The following METAP1 variants were observed in gnomAD, a reference collection of about 807,000 sequenced individuals.
METAP1 encodes the protein methionyl aminopeptidase 1.
A neutral mutation model predicts 53.8 loss-of-function variants in METAP1; 28 were observed. The ratio of observed to expected loss-of-function variants is 0.52; its 90% CI spans 0.39 to 0.71. The LOEUF (loss-of-function observed/expected upper bound fraction) is 0.71, where lower values mean the gene tolerates loss of function less well. Among genes scored for constraint, METAP1 ranks in the 30% least tolerant of loss-of-function variants. METAP1 has a pLI of 0.00. For missense variants in METAP1, 389 were observed against 479.8 expected (o/e 0.81, Z 1.77); for synonymous variants, 181 against 165.7 (o/e 1.09, Z -0.71).
intron 1 of METAP1, among the ~76,000 whole-genome samples, chr4:99,005,229 A>G (rs1324014831): frequency 6.6e-6 from 1 of 152,200 alleles, no homozygotes; most frequent in East Asian, 1.9e-4. Flanking sequence ...TTTGCAAACT[A>G]TGCATCTGAC....
At chr4:99,004,484 TACACACACACAC>T (rs145601239) in intron 1 of METAP1, among the ~76,000 whole-genome samples, 1 of 75,384 alleles carries the variant, frequency 1.3e-5, no homozygotes, top group African/African-American at 3.4e-5. Context: ...CACACACACA[TACACACACACAC>T]ACACACACAC....
rs145158105 is a variant in METAP1 at position 99,002,959 on chromosome 4, A to G, written c.114+7092A>G. ...GTGCATGCCTGTAATCCCAGCTACT[A>G]CTCAGGAGGCTGAGGCACAAGAATC... On this transcript the variant is annotated intron_variant, in intron 1 of 10. Transcript: ENST00000296411. 7.5e-4 allele frequency among the ~76,000 whole-genome samples: 114 copies of G among 152,214 alleles called. 1 individual carries two copies. The East Asian group carries it at 0.017, about 22-fold the overall frequency.
At chr4:99,025,370 G>A (rs1190321242) in intron 1 of METAP1, 1 of 985,254 alleles carries the variant, frequency 1.0e-6, no homozygotes, top group Non-Finnish European at 1.2e-6. Context: ...ATTTCAGTAG[G>A]AAATAACTTG....
At chr4:99,054,177 G>A (rs148992020) in intron 9 of METAP1, among the ~76,000 whole-genome samples, 18 of 152,216 alleles carry the variant, frequency 1.2e-4, no homozygotes, top group African/African-American at 3.6e-4. Flanking sequence ...CCATTAGAAG[G>A]CTGTTTTGGT....
intron 1 of METAP1, among the ~76,000 whole-genome samples, chr4:99,003,385 C>T (rs1441611469): frequency 6.6e-6 from 1 of 152,082 alleles, no homozygotes; most frequent in East Asian, 1.9e-4. Context: ...CTTAGTCGTT[C>T]AATAAAATAG....
intron 10 of METAP1, among the ~76,000 whole-genome samples, chr4:99,060,360 C>CTTTTTTTTT (rs35135230): frequency 9.6e-6 from 1 of 103,648 alleles, no homozygotes; most frequent in African/African-American, 3.6e-5. Flanking sequence ...TAAGCACATG[C>CTTTTTTTTT]TTTTTTTTTT....
chr4:99,037,237 T>G (rs1725494230), intron 4 of METAP1, among the ~76,000 whole-genome samples: 1 of 151,934 alleles, frequency 6.6e-6, no homozygotes, highest in South Asian at 2.1e-4. Flanking sequence ...GATGTATGTT[T>G]TTAAAACTGT....
intron 4 of METAP1, among the ~76,000 whole-genome samples, chr4:99,037,201 T>C (rs564223767): frequency 2.0e-5 from 3 of 152,044 alleles, no homozygotes; most frequent in Non-Finnish European, 4.4e-5. Context: ...TAAATGTTCT[T>C]AGTATATTAA....
intron 1 of METAP1, chr4:99,022,797 G>A (rs945864859): frequency 1.3e-6 from 2 of 1,597,556 alleles, no homozygotes; most frequent in Non-Finnish European, 1.7e-6. Flanking sequence ...CGCTTGTCAC[G>A]GAACTCCACC....
chr4:99,039,601 A>C, intron 5 of METAP1, 136 bp downstream of exon 5: 1 of 499,664 alleles, frequency 2.0e-6, no homozygotes, highest in Non-Finnish European at 3.4e-6. Flanking sequence ...TTTTTTTTTT[A>C]ACTTTTTTTT....
intron 1 of METAP1, among the ~76,000 whole-genome samples, chr4:99,000,992 C>A (rs1181058948): frequency 6.6e-6 from 1 of 152,090 alleles, no homozygotes; most frequent in Non-Finnish European, 1.5e-5. Flanking sequence ...GCCACTGCAC[C>A]TGGCTGGAAG....
At chr4:99,003,457 GA>G (rs1268377196) in intron 1 of METAP1, among the ~76,000 whole-genome samples, 2 of 152,124 alleles carry the variant, frequency 1.3e-5, no homozygotes, top group African/African-American at 4.8e-5. Context: ...TCTGAGTGGG[GA>G]TTTATGTTAT....
intron 1 of METAP1, among the ~76,000 whole-genome samples, chr4:99,016,513 A>G (rs538005060): frequency 6.6e-6 from 1 of 152,304 alleles, no homozygotes; most frequent in Non-Finnish European, 1.5e-5. Flanking sequence ...ATCTGAGTCA[A>G]CATTTTCTAT....
In METAP1 at chr4:99,057,629, G is replaced by T; in HGVS notation, c.932-124G>T. 2 of 697,704 alleles carry T rather than the reference G, an allele frequency of 2.9e-6. 1 individual carries two copies. Among genetic ancestry groups the T allele is most frequent in the South Asian group, 3.8e-5 (2 of 52,864 alleles). 43.2% of individuals were successfully genotyped at this position (697,704 alleles called of 1,614,324 possible). Reference sequence around the variant, plus strand: ...ACCTGTTTGTTGAACTTTAAGAAAGGGAATCAGGGTAATTAATTTAACAAT... The same window carrying T: ...ACCTGTTTGTTGAACTTTAAGAAAGTGAATCAGGGTAATTAATTTAACAAT... On this transcript the variant is annotated intron_variant, in intron 9 of 10. Coordinates refer to ENST00000296411, the MANE Select transcript of METAP1 (RefSeq NM_015143.3).
intron 1 of METAP1, chr4:99,022,993 A>G (rs1421226907): frequency 3.4e-6 from 5 of 1,470,414 alleles, no homozygotes; most frequent in South Asian, 1.2e-5. Context: ...CAGGTACACA[A>G]TACCTGGCAC....
intron 4 of METAP1, 69 bp downstream of exon 4, chr4:99,035,529 A>G (rs1725365557): frequency 2.5e-6 from 3 of 1,203,714 alleles, no homozygotes; most frequent in Admixed American, 4.3e-5. Context: ...AAGGGAAGGA[A>G]TGCTTTTCTT....
At chr4:99,003,871 A>C (rs1723037047) in intron 1 of METAP1, among the ~76,000 whole-genome samples, 3 of 152,062 alleles carry the variant, frequency 2.0e-5, no homozygotes, top group Admixed American at 2.0e-4. Flanking sequence ...GTTTGACTGG[A>C]TATAGTGTCA....
At chr4:99,058,557 A>T (rs1228912250) in intron 10 of METAP1, among the ~76,000 whole-genome samples, 1 of 152,022 alleles carries the variant, frequency 6.6e-6, no homozygotes, top group Non-Finnish European at 1.5e-5. Context: ...GATTCTGGTA[A>T]TGGAGCTTTC....
Position 99,010,492 on chromosome 4 carries a change from A to G in METAP1, c.114+14625A>G, listed in dbSNP as rs141796856. ...AACCTCCCAAAAAACACACATGACC[A>G]AATACACAAGGATTTATTTCTGGAT... is the stretch of plus-strand genomic sequence containing the variant. On this transcript the variant is annotated intron_variant, in intron 1 of 10. Transcript: ENST00000296411. Among the ~76,000 whole-genome samples the G allele has an allele frequency of 7.5e-3, 1,140 of 152,248 alleles. 9 individuals are homozygous for G. The highest frequency in any genetic ancestry group is 0.026 in the African/African-American group (1,097 of 41,536).
Sources: allele counts gnomAD v4.1 joint callset (sites outside exome capture counted in the v4.1 genomes callset), GRCh38; gene constraint gnomAD v4.1.1; transcripts MANE v1.5; gene names NCBI Gene and HGNC (gene_info 2026-07-23, HGNC 2026-07-21).